The following PHC3 variants were observed in gnomAD, a reference collection of about 807,000 sequenced individuals.
PHC3 encodes the protein polyhomeotic homolog 3, also known as polyhomeotic-like protein 3.
In PHC3, 13 loss-of-function variants were observed where a neutral mutation model predicts 107.4. The ratio of observed to expected loss-of-function variants is 0.12; its 90% CI spans 0.08 to 0.19. PHC3 has a LOEUF of 0.19. PHC3 is among the 10% of genes least tolerant of loss of function. The probability of loss-of-function intolerance (pLI) is 1.00; values close to 1 mark genes in which losing one functional copy is unlikely to be tolerated. For missense variants in PHC3, 992 were observed against 1,210.9 expected (o/e 0.82, Z 2.68); for synonymous variants, 456 against 427.4 (o/e 1.07, Z -0.83).
chr3:170,141,009 T>C (rs992939327), intron 6 of PHC3, among the ~76,000 whole-genome samples: 2 of 152,186 alleles, frequency 1.3e-5, no homozygotes, highest in African/African-American at 4.8e-5. Flanking sequence ...AAAAGTGAGA[T>C]ATTCCAAATT....
intron 4 of PHC3, among the ~76,000 whole-genome samples, chr3:170,168,841 T>C (rs952111276): frequency 2.0e-5 from 3 of 151,112 alleles, no homozygotes; most frequent in Non-Finnish European, 4.4e-5. Flanking sequence ...AAGAAAAGAA[T>C]GCAGGTACCC....
chr3:170,113,267 G>C lies in PHC3; in HGVS notation c.2353+93C>G, dbSNP rs982144899. On this transcript the variant is annotated intron_variant, in intron 11 of 14. Transcript: ENST00000495893. ...TGAAAATAAAAGTTGAATACTTCCA[G>C]TGAAATTCTGTACAGAATAAAAATC... The C allele has an allele frequency of 1.5e-5, 18 of 1,220,278 alleles. No individual in the cohort carries two copies. The Admixed American group carries it at 5.2e-4, about 35-fold the overall frequency. 75.6% of individuals were successfully genotyped at this position (1,220,278 alleles called of 1,614,324 possible).
Position 170,108,637 on chromosome 3 carries a change from T to G in PHC3, c.2354-1691A>C, listed in dbSNP as rs565713221. ...GTCAGGAGATCCACCAACACATTCCTGAGACCTGAAAACATAATTCCTAGA... is the reference window on the plus strand; with the variant it reads ...GTCAGGAGATCCACCAACACATTCCGGAGACCTGAAAACATAATTCCTAGA... On this transcript the variant is annotated intron_variant, in intron 11 of 14. Transcript: ENST00000495893. 7.2e-5 allele frequency among the ~76,000 whole-genome samples: 11 copies of G among 152,286 alleles called. No individual in the cohort carries two copies. In the East Asian group the frequency reaches 2.1e-3, roughly 29 times the overall value.
chr3:170,088,261 T>C lies in PHC3; in HGVS notation c.*8969A>G, dbSNP rs1713694876. Reference sequence around the variant, plus strand: ...ATATGAAAGTCCTATTTTAGAACAATGGGAGGAACCAAAAGGGGAATTAAA... The same window carrying C: ...ATATGAAAGTCCTATTTTAGAACAACGGGAGGAACCAAAAGGGGAATTAAA... On this transcript the variant is annotated 3_prime_UTR_variant, in exon 15 of 15. Coordinates refer to ENST00000495893, the MANE Select transcript of PHC3 (RefSeq NM_024947.4). The C allele has an allele frequency of 1.3e-5, 2 of 152,176 alleles. No homozygotes were observed. The highest frequency in any genetic ancestry group is 4.8e-5 in the African/African-American group (2 of 41,450). The allele number at this position is 152,176 out of a possible 1,614,324, so 9.4% of individuals were successfully genotyped here.
chr3:170,143,234 C>A (rs1406326566), intron 6 of PHC3, among the ~76,000 whole-genome samples: 2 of 151,972 alleles, frequency 1.3e-5, no homozygotes, highest in Admixed American at 6.6e-5. Context: ...ATCATTACTT[C>A]AACATATTCA....
chr3:170,140,747 A>G (rs1723957125), intron 6 of PHC3, among the ~76,000 whole-genome samples: 1 of 146,748 alleles, frequency 6.8e-6, no homozygotes, highest in South Asian at 2.2e-4. Flanking sequence ...ACAGATACCC[A>G]CCACCACACC....
intron 4 of PHC3, among the ~76,000 whole-genome samples, chr3:170,161,692 A>C (rs1289659565): frequency 6.6e-6 from 1 of 152,138 alleles, no homozygotes; most frequent in Non-Finnish European, 1.5e-5. Flanking sequence ...ACAGAAATTT[A>C]TTTTGCACAC....
chr3:170,146,877 C>CTTTTTTTTTTT (rs1035803336), intron 5 of PHC3, among the ~76,000 whole-genome samples: 15 of 97,998 alleles, frequency 1.5e-4, no homozygotes, highest in African/African-American at 4.3e-4. Flanking sequence ...TCTATTTTTT[C>CTTTTTTTTTTT]TTTTTTTTTT....
At chr3:170,145,400 A>G (rs1045861573) in intron 6 of PHC3, 23 bp downstream of exon 6, 4 of 1,591,488 alleles carry the variant, frequency 2.5e-6, no homozygotes, top group Non-Finnish European at 3.4e-6. Context: ...CAAGTAACAC[A>G]TTATGAAGCT....
chr3:170,174,223 AAAAT>A (rs1730059919), intron 2 of PHC3, among the ~76,000 whole-genome samples: 1 of 151,888 alleles, frequency 6.6e-6, no homozygotes, highest in African/African-American at 2.4e-5. Flanking sequence ...ATAAAAATAA[AAAAT>A]AAAATTATAA....
At chr3:170,127,257 C>T (rs560755264) in intron 8 of PHC3, among the ~76,000 whole-genome samples, 14 of 152,348 alleles carry the variant, frequency 9.2e-5, no homozygotes, top group Non-Finnish European at 1.3e-4. Flanking sequence ...CCCTCCACCT[C>T]CCAGGTTCAA....
In PHC3 at chr3:170,088,406, C is replaced by A. The variant is rs1713714540; in HGVS notation, c.*8824G>T. On this transcript the variant is annotated 3_prime_UTR_variant, in exon 15 of 15. Coordinates refer to ENST00000495893, the MANE Select transcript of PHC3 (RefSeq NM_024947.4). ...CGACAAAAAGTACTAATTTAAAAGG[C>A]TTGAAATGCCTGCCACCATTGTCAG... 2 of 152,298 alleles carry A rather than the reference C, an allele frequency of 1.3e-5. No homozygotes were observed. The highest frequency in any genetic ancestry group is 6.5e-5 in the Admixed American group (1 of 15,298). 9.4% of individuals were successfully genotyped at this position (152,298 alleles called of 1,614,324 possible). A position where few individuals can be genotyped will look rare whatever the true frequency, so the allele number is the denominator to read the frequency against.
Position 170,088,575 on chromosome 3 carries a change from T to C in PHC3, c.*8655A>G, listed in dbSNP as rs1025796044. On this transcript the variant is annotated 3_prime_UTR_variant, in exon 15 of 15. Transcript: ENST00000495893. The stretch of plus-strand genomic sequence containing the variant: ...GGACTGGGAATCTAGTTTAAATGTC[T>C]ACATCCAAAATTATATCATCTTTGC... 2 of 152,206 alleles carry C rather than the reference T, an allele frequency of 1.3e-5. No homozygotes were observed. The highest frequency in any genetic ancestry group is 2.9e-5 in the Non-Finnish European group (2 of 68,026). The allele number at this position is 152,206 out of a possible 1,614,324, so 9.4% of individuals were successfully genotyped here.
intron 7 of PHC3, among the ~76,000 whole-genome samples, chr3:170,131,938 T>A (rs1236513487): frequency 6.6e-6 from 1 of 152,240 alleles, no homozygotes; most frequent in Non-Finnish European, 1.5e-5. Flanking sequence ...TATCCTTTCA[T>A]CTAAATTACA....
intron 3 of PHC3, 144 bp downstream of exon 3, chr3:170,172,413 C>T (rs951607185): frequency 1.9e-5 from 16 of 840,094 alleles, no homozygotes; most frequent in Middle Eastern, 3.7e-4. Context: ...AACTTCTATT[C>T]GGCAACCTAT....
At chr3:170,149,798 T>C (rs1250907991) in intron 4 of PHC3, 1 of 152,228 alleles carries the variant, frequency 6.6e-6, no homozygotes, top group African/African-American at 2.4e-5. Context: ...ATAAGATTTC[T>C]AGTATCTTAA....
At chr3:170,153,254 C>G (rs1577185107) in intron 4 of PHC3, among the ~76,000 whole-genome samples, 1 of 152,154 alleles carries the variant, frequency 6.6e-6, no homozygotes, top group East Asian at 1.9e-4. Context: ...TCCTTTACCA[C>G]ACACACAAAA....
chr3:170,118,691 G>A (rs1300689214), intron 9 of PHC3, among the ~76,000 whole-genome samples: 1 of 152,032 alleles, frequency 6.6e-6, no homozygotes, highest in Non-Finnish European at 1.5e-5. Context: ...TATTACAGGC[G>A]TGAGCCACTC....
At chr3:170,099,079 G>A (rs1020602893) in intron 14 of PHC3, among the ~76,000 whole-genome samples, 7 of 152,112 alleles carry the variant, frequency 4.6e-5, no homozygotes, top group Non-Finnish European at 8.8e-5. Context: ...AAGATAGGGT[G>A]GGACTTACTT....
Sources: allele counts gnomAD v4.1 joint callset (sites outside exome capture counted in the v4.1 genomes callset), GRCh38; gene constraint gnomAD v4.1.1; transcripts MANE v1.5; gene names NCBI Gene and HGNC (gene_info 2026-07-23, HGNC 2026-07-21).